BCOR: variants seen among roughly 807,000 people sequenced by gnomAD.
BCOR encodes BCL6 corepressor.
BCOR carries 10 observed loss-of-function variants against 86.7 expected under a neutral mutation model. That is an observed-to-expected ratio of 0.12 (90% CI 0.07 to 0.20). The LOEUF is 0.20. Among genes scored for constraint, BCOR ranks in the 10% least tolerant of loss-of-function variants. BCOR has a pLI of 1.00. For missense variants in BCOR, 1,259 were observed against 1,452.1 expected (o/e 0.87, Z 2.16); for synonymous variants, 611 against 609.0 (o/e 1.00, Z -0.05).
intron 1 of BCOR, among the ~76,000 whole-genome samples, chrX:40,126,676 G>A (rs944538472): frequency 9.0e-6 from 1 of 111,176 alleles, no homozygotes; most frequent in Non-Finnish European, 1.9e-5. Flanking sequence ...TCAACATGGC[G>A]AAACCCTGTC....
At chrX:40,147,814 GAC>G (rs1488449535) in intron 1 of BCOR, among the ~76,000 whole-genome samples, 1 of 113,002 alleles carries the variant, frequency 8.8e-6, no homozygotes, top group Non-Finnish European at 1.9e-5. Flanking sequence ...TAAGGACGCG[GAC>G]ACAGACTCTT....
At chrX:40,119,353 G>C (rs951196926) in intron 1 of BCOR, among the ~76,000 whole-genome samples, 3 of 108,954 alleles carry the variant, frequency 2.8e-5, no homozygotes, top group Non-Finnish European at 3.8e-5. Flanking sequence ...TTTTAAAGTG[G>C]GCAAAGGTTT....
At chrX:40,156,358 G>A (rs1334813545) in intron 1 of BCOR, among the ~76,000 whole-genome samples, 1 of 111,235 alleles carries the variant, frequency 9.0e-6, no homozygotes, top group Non-Finnish European at 1.9e-5. Context: ...GGCCCGCGCG[G>A]CCGGGTTTTT....
intron 1 of BCOR, among the ~76,000 whole-genome samples, chrX:40,166,008 C>T (rs779329705): frequency 4.5e-5 from 5 of 111,987 alleles, no homozygotes; most frequent in East Asian, 2.8e-4. Context: ...ACTACTTCAT[C>T]GGATCTTTCT....
At chrX:40,098,163 A>G (rs956997721), upstream of BCOR, among the ~76,000 whole-genome samples, 2 of 106,919 alleles carry the variant, frequency 1.9e-5, no homozygotes, top group East Asian at 6.1e-4. Context: ...GAGCTCCGCC[A>G]GTCTCCGCTC....
chrX:40,090,216 G>C (rs1001706599), intron 1 of BCOR, among the ~76,000 whole-genome samples: 5 of 112,896 alleles, frequency 4.4e-5, no homozygotes, highest in Non-Finnish European at 9.4e-5. Context: ...CCGGATGTGC[G>C]AAATGGCTCC....
intron 1 of BCOR, among the ~76,000 whole-genome samples, chrX:40,080,815 CGTGTGTGTGTGTGTGTGTGTGTGTGT>C (rs533981374): frequency 5.9e-4 from 39 of 66,005 alleles, no homozygotes; most frequent in East Asian, 2.4e-3. Flanking sequence ...GGTTCACTGT[CGTGTGTGTGTGTGTGTGTGTGTGTGT>C]GTGTGTGTGT....
At chrX:40,082,771 G>C (rs1314949432) in intron 1 of BCOR, among the ~76,000 whole-genome samples, 1 of 112,012 alleles carries the variant, frequency 8.9e-6, no homozygotes, top group Non-Finnish European at 1.9e-5. Flanking sequence ...CTATGGACTT[G>C]AGTTTTGCCT....
At chrX:40,140,558 A>G (rs1254290846) in intron 1 of BCOR, among the ~76,000 whole-genome samples, 3 of 112,616 alleles carry the variant, frequency 2.7e-5, no homozygotes, top group Non-Finnish European at 1.9e-5. Context: ...TAGTGTAAGC[A>G]CAATGAAGTT....
At chrX:40,146,323 C>G (rs1938054354) in intron 1 of BCOR, 1 of 111,470 alleles carries the variant, frequency 9.0e-6, no homozygotes, top group African/African-American at 3.3e-5. Context: ...TGTTTAACCC[C>G]CAGGTGGGGA....
At chrX:40,084,025 G>A (rs1042429347) in intron 1 of BCOR, among the ~76,000 whole-genome samples, 4 of 112,251 alleles carry the variant, frequency 3.6e-5, no homozygotes, top group African/African-American at 1.3e-4. Flanking sequence ...GGGCACGGCA[G>A]ACCCCTCCTC....
At chrX:40,163,215 A>G (rs1938454108) in intron 1 of BCOR, among the ~76,000 whole-genome samples, 1 of 110,973 alleles carries the variant, frequency 9.0e-6, no homozygotes, top group Non-Finnish European at 1.9e-5. Context: ...CCAAGACAGT[A>G]GGCTAAGGAT....
intron 6 of BCOR, among the ~76,000 whole-genome samples, chrX:40,068,377 TCATCTGTCTGCC>T (rs1404202233): frequency 8.9e-6 from 1 of 112,243 alleles, no homozygotes; most frequent in Non-Finnish European, 1.9e-5. Context: ...GCATTGGTAG[TCATCTGTCTGCC>T]CAAACTCAAA....
chrX:40,093,130 A>C (rs1426169977), intron 1 of BCOR, among the ~76,000 whole-genome samples: 2 of 112,237 alleles, frequency 1.8e-5, no homozygotes, highest in Non-Finnish European at 3.8e-5. Context: ...ATATCGCTAT[A>C]CATCTCTGTA....
At chrX:40,101,113 G>A (rs183254681), upstream of BCOR, among the ~76,000 whole-genome samples, 254 of 110,528 alleles carry the variant, frequency 2.3e-3, 1 homozygote, top group Middle Eastern at 0.014. Flanking sequence ...CTATTGGCCC[G>A]GTTAGTTCCA....
chrX:40,114,905 T>G (rs1270215622), intron 1 of BCOR, among the ~76,000 whole-genome samples: 1 of 96,692 alleles, frequency 1.0e-5, no homozygotes, highest in African/African-American at 3.9e-5. Context: ...CAGGCTGGAG[T>G]GCAGTGGTGA....
intron 1 of BCOR, among the ~76,000 whole-genome samples, chrX:40,162,155 AC>A (rs1408791250): frequency 2.7e-5 from 3 of 111,216 alleles, no homozygotes; most frequent in African/African-American, 9.8e-5. Flanking sequence ...CTCCCAAGAA[AC>A]CCTTTTGACC....
chrX:40,062,113 C>T (rs2146995840), intron 10 of BCOR, 26 bp downstream of exon 10: 1 of 1,188,867 alleles, frequency 8.4e-7, no homozygotes, highest in South Asian at 1.8e-5. Flanking sequence ...AGCCTGCAGC[C>T]CCAGGGAGCG....
At chrX:40,139,453 ATAC>A (rs2147945075) in intron 1 of BCOR, among the ~76,000 whole-genome samples, 1 of 4,020 alleles carries the variant, frequency 2.5e-4, no homozygotes, top group South Asian at 0.013. Flanking sequence ...TATAATATAT[ATAC>A]ATATATATAT....
Sources: allele counts gnomAD v4.1 joint callset (sites outside exome capture counted in the v4.1 genomes callset), GRCh38; gene constraint gnomAD v4.1.1; transcripts MANE v1.5; gene names NCBI Gene and HGNC (gene_info 2026-07-23, HGNC 2026-07-21).